The following ATOH8 variants were observed in gnomAD, a reference collection of about 807,000 sequenced individuals.
The protein encoded by ATOH8 is transcription factor ATOH8.
ATOH8 carries 9 observed loss-of-function variants against 21.2 expected under a neutral mutation model. The ratio of observed to expected loss-of-function variants is 0.42; its 90% CI spans 0.26 to 0.74. ATOH8 has a LOEUF of 0.74. ATOH8 is among the 30% of genes least tolerant of loss of function. ATOH8 has a pLI of 0.24. For synonymous variants in ATOH8, 253 were observed against 224.0 expected, an observed-to-expected ratio of 1.13 and a Z score of -1.16; for missense variants, 524 against 470.9, an observed-to-expected ratio of 1.11 and a Z score of -1.04.
At chr2:85,769,089 C>G (rs780481255) in intron 2 of ATOH8, among the ~76,000 whole-genome samples, 36 of 152,218 alleles carry the variant, frequency 2.4e-4, no homozygotes, top group African/African-American at 8.7e-4. Flanking sequence ...GGAGGCAGAA[C>G]TGTTCTTCCA....
At chr2:85,762,808 A>G (rs1315405538) in intron 1 of ATOH8, among the ~76,000 whole-genome samples, 1 of 152,018 alleles carries the variant, frequency 6.6e-6, no homozygotes, top group African/African-American at 2.4e-5. Context: ...GCACTGTAGG[A>G]TCCTGTGCTC....
intron 1 of ATOH8, among the ~76,000 whole-genome samples, chr2:85,759,973 T>C (rs1020574520): frequency 6.6e-6 from 1 of 152,196 alleles, no homozygotes; most frequent in Non-Finnish European, 1.5e-5. Context: ...GCAGGTGTTC[T>C]AATGCCCATT....
intron 1 of ATOH8, among the ~76,000 whole-genome samples, chr2:85,760,512 C>T (rs1184143787): frequency 6.6e-6 from 1 of 152,200 alleles, no homozygotes; most frequent in East Asian, 1.9e-4. Context: ...CCAAGCAGTT[C>T]ATGCTGGAAA....
chr2:85,757,132 C>T lies in ATOH8; in HGVS notation c.768+2175C>T, dbSNP rs995482952. Among the ~76,000 whole-genome samples the T allele has an allele frequency of 2.0e-5, 3 of 152,370 alleles. No homozygotes were observed. In the South Asian group the frequency reaches 6.2e-4, roughly 32 times the overall value. The stretch of plus-strand genomic sequence containing the variant: ...AGAAGCACCTGTTCCTGTTTGTTTC[C>T]TCCTTGCCCTAGCCATTCTGCCCCT... On this transcript the variant is annotated intron_variant, in intron 1 of 2. Coordinates refer to ENST00000306279, the MANE Select transcript of ATOH8 (RefSeq NM_032827.7).
chr2:85,767,928 C>G (rs940795065), intron 2 of ATOH8, among the ~76,000 whole-genome samples: 8 of 152,196 alleles, frequency 5.3e-5, no homozygotes, highest in Non-Finnish European at 7.3e-5. Context: ...TTTGCCCTCT[C>G]TGGGTCAGGA....
intron 2 of ATOH8, among the ~76,000 whole-genome samples, chr2:85,768,671 G>A (rs888317169): frequency 3.9e-5 from 6 of 152,214 alleles, no homozygotes; most frequent in Admixed American, 3.3e-4. Context: ...GAGCTGCACT[G>A]TGGGTCCAGG....
intron 2 of ATOH8, among the ~76,000 whole-genome samples, chr2:85,771,283 T>C (rs1375397464): frequency 6.6e-6 from 1 of 152,208 alleles, no homozygotes; most frequent in Non-Finnish European, 1.5e-5. Context: ...TTGGGCATGT[T>C]ATTTGACCTC....
chr2:85,773,798 C>A (rs72928951), intron 2 of ATOH8: 7,895 of 152,366 alleles, frequency 0.052, 668 homozygotes, highest in East Asian at 0.24. Flanking sequence ...TCTCAGCTTT[C>A]CTCCCACTTC....
rs187857738 is a variant in ATOH8 at position 85,789,910 on chromosome 2, C to T, written c.*3020C>T. On this transcript the variant is annotated 3_prime_UTR_variant, in exon 3 of 3. Transcript: ENST00000306279. The stretch of plus-strand genomic sequence containing the variant: ...TCCTTTCCCAGCTTCCTCTCCAGCA[C>T]AGCAACTTGTGTTCGTATGCACACA... Among the ~76,000 whole-genome samples the T allele has an allele frequency of 6.6e-6, 1 of 152,282 alleles. No individual in the cohort carries two copies. Among genetic ancestry groups the T allele is most frequent in the East Asian group, 1.9e-4 (1 of 5,180 alleles).
At chr2:85,784,374 T>TA (rs1342086625) in intron 2 of ATOH8, among the ~76,000 whole-genome samples, 2 of 151,850 alleles carry the variant, frequency 1.3e-5, no homozygotes, top group African/African-American at 4.8e-5. Flanking sequence ...CTTGTCTCTA[T>TA]AAAAAATAAA....
intron 2 of ATOH8, 70 bp downstream of exon 2, chr2:85,764,252 G>T (rs1679945278): frequency 4.4e-6 from 7 of 1,579,162 alleles, no homozygotes; most frequent in Admixed American, 3.4e-5. Flanking sequence ...ACTTGGGGGT[G>T]CCCTGCCTAT....
chr2:85,775,061 T>C, intron 2 of ATOH8: 1 of 974,648 alleles, frequency 1.0e-6, no homozygotes, highest in Non-Finnish European at 1.2e-6. Flanking sequence ...AATATGAAAC[T>C]CTATTATGTG....
chr2:85,754,577 C>A lies in ATOH8; in HGVS notation c.388C>A (p.Pro130Thr). ...GLPTPPPPPPPAPQSQAPGGP... is the reference protein window; with the variant it reads ...GLPTPPPPPPTAPQSQAPGGP... ...CCCCACGCCGCCGCCGCCGCCGCCT[C>A]CTGCGCCCCAGAGCCAGGCACCTGG... Residue 130 changes from proline to threonine, a missense_variant, in exon 1 of 3, where the codon CCT becomes ACT. By Grantham distance (38) the Pro-to-Thr change is conservative (BLOSUM62 -1). Coordinates refer to ENST00000306279, the MANE Select transcript of ATOH8 (RefSeq NM_032827.7). 6.9e-7 allele frequency: 1 copy of A among 1,446,356 alleles called. No individual in the cohort carries two copies. Among genetic ancestry groups the A allele is most frequent in the Non-Finnish European group, 9.0e-7 (1 of 1,110,762 alleles). 89.6% of individuals were successfully genotyped at this position (1,446,356 alleles called of 1,614,324 possible). A position where few individuals can be genotyped will look rare whatever the true frequency, so the allele number is the denominator to read the frequency against.
intron 1 of ATOH8, among the ~76,000 whole-genome samples, chr2:85,762,492 A>T (rs185074689): frequency 6.6e-6 from 1 of 152,164 alleles, no homozygotes; most frequent in South Asian, 2.1e-4. Context: ...GGCACTGCAG[A>T]CATAGGCCTT....
At chr2:85,755,828 G>T (rs547732972) in intron 1 of ATOH8, among the ~76,000 whole-genome samples, 1 of 152,228 alleles carries the variant, frequency 6.6e-6, no homozygotes, top group East Asian at 1.9e-4. Context: ...GGAAGGAGGT[G>T]GTGAGTTCTC....
chr2:85,757,190 C>T (rs567697434), intron 1 of ATOH8, among the ~76,000 whole-genome samples: 3 of 152,370 alleles, frequency 2.0e-5, no homozygotes, highest in Admixed American at 1.3e-4. Flanking sequence ...ATAGTGGGCA[C>T]CTGCCTGTTA....
intron 2 of ATOH8, among the ~76,000 whole-genome samples, chr2:85,781,333 G>A (rs1403020740): frequency 6.6e-6 from 1 of 152,136 alleles, no homozygotes; most frequent in Non-Finnish European, 1.5e-5. Flanking sequence ...TTGGGAGGCT[G>A]AGGTGGGCGG....
Position 85,754,480 on chromosome 2 carries a change from G to T in ATOH8, c.291G>T (p.Gly97=). 2 of 1,446,064 alleles carry T rather than the reference G, an allele frequency of 1.4e-6. No homozygotes were observed. Among genetic ancestry groups the T allele is most frequent in the Non-Finnish European group, 9.0e-7 (1 of 1,109,046 alleles). 89.6% of individuals were successfully genotyped at this position (1,446,064 alleles called of 1,614,324 possible). ...GCACGGACACAGCCGGGGAGCGCGGGGGCTCTCGGGCGCCCGAGGTCTCCG... is the reference window on the plus strand; with the variant it reads ...GCACGGACACAGCCGGGGAGCGCGGTGGCTCTCGGGCGCCCGAGGTCTCCG... ...RGGTDTAGER[G]GSRAPEVSDA... is the part of the protein sequence containing the mutation. Residue 97 remains glycine (G), a synonymous_variant, in exon 1 of 3, where the codon GGG becomes GGT. Transcript: ENST00000306279.
Position 85,785,308 on chromosome 2 carries a change from T to A in ATOH8, c.961-1577T>A, listed in dbSNP as rs1194142747. Among the ~76,000 whole-genome samples the A allele has an allele frequency of 6.6e-6, 1 of 152,246 alleles. No individual in the cohort carries two copies. The highest frequency in any genetic ancestry group is 1.5e-5 in the Non-Finnish European group (1 of 68,038). On this transcript the variant is annotated intron_variant, in intron 2 of 2. Transcript: ENST00000306279. This position sits in a 1 kb window ranked among gnomAD's most constrained non-coding sequence, Gnocchi z 4.1. The stretch of plus-strand genomic sequence containing the variant: ...CCCCACGGGTTTCCTTTCCGCTTCT[T>A]AATCCTCCTCCTCAGACTCGGTAAC...
Sources: gnomAD v4.1 joint callset for allele counts (sites outside exome capture counted in the v4.1 genomes callset) on GRCh38, gnomAD v4.1.1 for gene constraint, Gnocchi (gnomAD v3.1) non-coding constraint, MANE v1.5 for transcripts, NCBI Gene and HGNC (gene_info 2026-07-23, HGNC 2026-07-21) for gene names.